Variants in DOT1L observed in about 807,000 individuals in gnomAD.
The protein encoded by DOT1L is histone-lysine N-methyltransferase, H3 lysine-79 specific.
Under a neutral mutation model 153.3 loss-of-function variants are expected in DOT1L, and 33 were observed. That is an observed-to-expected ratio of 0.22 (90% CI 0.16 to 0.29). The LOEUF (loss-of-function observed/expected upper bound fraction) is 0.29. Among genes scored for constraint, DOT1L ranks in the 10% least tolerant of loss-of-function variants. The pLI is 1.00. For missense variants in DOT1L, 1,847 were observed against 2,119.9 expected (o/e 0.87, Z 2.53); for synonymous variants, 1,135 against 965.1 (o/e 1.18, Z -3.26).
chr19:2,195,148 T>G (rs1599567411), intron 7 of DOT1L, among the ~76,000 whole-genome samples: 4 of 148,412 alleles, frequency 2.7e-5, no homozygotes, highest in Admixed American at 6.7e-5. Flanking sequence ...GGTGTGGGGG[T>G]GGGAAGGGGA....
At position 2,177,953 on chromosome 19, in the gene DOT1L, C is replaced by T. The variant is rs561348508; in HGVS notation, c.82-2760C>T. Among the ~76,000 whole-genome samples, 54 of 150,572 alleles carry T rather than the reference C, an allele frequency of 3.6e-4. No individual in the cohort carries two copies. In the South Asian group the frequency reaches 0.01, roughly 28 times the overall value. On this transcript the variant is annotated intron_variant, in intron 1 of 27. Transcript: ENST00000398665. The stretch of plus-strand genomic sequence containing the variant: ...TTTTTTTTTTTTTGAGATGGATTCT[C>T]ACTCTGTATCCCAGGCTGGAGTGCA...
intron 22 of DOT1L, among the ~76,000 whole-genome samples, chr19:2,218,621 C>T (rs1047175759): frequency 2.0e-5 from 3 of 152,056 alleles, no homozygotes; most frequent in African/African-American, 7.2e-5. Context: ...TCTTGATCTC[C>T]TGACCTAGTG....
At chr19:2,187,967 G>A (rs1568338013) in intron 3 of DOT1L, among the ~76,000 whole-genome samples, 1 of 151,586 alleles carries the variant, frequency 6.6e-6, no homozygotes, top group African/African-American at 2.4e-5. Flanking sequence ...AAGGGCCAGG[G>A]CTGCTCCTCT....
At chr19:2,164,655 G>A (rs2019840691) in intron 1 of DOT1L, among the ~76,000 whole-genome samples, 1 of 151,138 alleles carries the variant, frequency 6.6e-6, no homozygotes. Context: ...CTTTTTGAGG[G>A]CATCCTTTCC....
chr19:2,193,151 G>T lies in DOT1L; in HGVS notation c.494-538G>T, dbSNP rs901931291. Among the ~76,000 whole-genome samples the T allele has an allele frequency of 7.9e-5, 12 of 152,312 alleles. No homozygotes were observed. Among genetic ancestry groups the T allele is most frequent in the Middle Eastern group, 3.4e-3 (1 of 294 alleles). ...CCTTAGAGCCGGGTGTTGCTGGGTT[G>T]TGTGCTGATGCTGTGAAACCGCAGC... is the stretch of plus-strand genomic sequence containing the variant. On this transcript the variant is annotated intron_variant, in intron 5 of 27. Transcript: ENST00000398665. This position sits in a 1 kb window ranked among gnomAD's most constrained non-coding sequence, Gnocchi z 5.9.
At chr19:2,185,808 C>CA (rs748068877) in intron 2 of DOT1L, 47 bp from the exon 3 acceptor site, 33 of 1,593,464 alleles carry the variant, frequency 2.1e-5, no homozygotes, top group East Asian at 8.9e-5. Flanking sequence ...CAAAACAAAA[C>CA]AAAAAAAACC....
At chr19:2,165,296 C>G (rs1042077582) in intron 1 of DOT1L, among the ~76,000 whole-genome samples, 1 of 149,444 alleles carries the variant, frequency 6.7e-6, no homozygotes, top group Non-Finnish European at 1.5e-5. Context: ...GCGCGCTGGG[C>G]TTGTGTCAGT....
At chr19:2,165,688 A>G (rs1156486997) in intron 1 of DOT1L, among the ~76,000 whole-genome samples, 1 of 152,110 alleles carries the variant, frequency 6.6e-6, no homozygotes, top group Non-Finnish European at 1.5e-5. Context: ...GCATATGACC[A>G]TAAGAGTTCT....
At chr19:2,176,297 A>G (rs2021931052) in intron 1 of DOT1L, among the ~76,000 whole-genome samples, 1 of 152,200 alleles carries the variant, frequency 6.6e-6, no homozygotes, top group African/African-American at 2.4e-5. Context: ...GGACAGGGGC[A>G]GTAACTCGGG....
Position 2,222,988 on chromosome 19 carries a change from T to C in DOT1L, c.3391-293T>C, listed in dbSNP as rs2024184596. On this transcript the variant is annotated intron_variant, in intron 24 of 27. Transcript: ENST00000398665. This position sits in a 1 kb window ranked among gnomAD's most constrained non-coding sequence, Gnocchi z 6.5. ...AGCCTGGGAAGAGGCGGCCGACAGCTGTCTCTGGGGTTCGGAGTGCGATGC... is the reference window on the plus strand; with the variant it reads ...AGCCTGGGAAGAGGCGGCCGACAGCCGTCTCTGGGGTTCGGAGTGCGATGC... The C allele has an allele frequency of 2.2e-6, 1 of 451,146 alleles. No homozygotes were observed. 27.9% of individuals were successfully genotyped at this position (451,146 alleles called of 1,614,324 possible). A position where few individuals can be genotyped will look rare whatever the true frequency, so the allele number is the denominator to read the frequency against.
chr19:2,199,957 C>T lies in DOT1L; in HGVS notation c.707+18C>T, dbSNP rs542745112. 74 of 1,613,288 alleles carry T rather than the reference C, an allele frequency of 4.6e-5. No homozygotes were observed. In the African/African-American group the frequency reaches 6.4e-4, roughly 14 times the overall value. The stretch of plus-strand genomic sequence containing the variant: ...AACACGAGGTATGGCCAGCGTGGGG[C>T]ATGCAGGGCATGTGGGGTGTGCGCT... On this transcript the variant is annotated intron_variant, in intron 8 of 27. Transcript: ENST00000398665.
intron 27 of DOT1L, chr19:2,227,898 C>T (rs1307211201): frequency 1.6e-6 from 2 of 1,243,464 alleles, no homozygotes; most frequent in Non-Finnish European, 2.1e-6. Context: ...GGTTGAGACC[C>T]GGCCGCCCCC....
At position 2,223,324 on chromosome 19, in the gene DOT1L, C is replaced by T; in HGVS notation, c.3434C>T (p.Ser1145Phe). The T allele has an allele frequency of 6.2e-7, 1 of 1,613,728 alleles. No individual in the cohort carries two copies. The highest frequency in any genetic ancestry group is 8.5e-7 in the Non-Finnish European group (1 of 1,179,968). Residue 1145 changes from serine to phenylalanine, a missense_variant, in exon 25 of 28, where the codon TCC (serine) becomes TTC (phenylalanine). By Grantham distance (155) the Ser-to-Phe change is radical. This residue lies in a region of DOT1L where 934 missense variants were observed against 825.3 expected (regional missense o/e 1.13). Transcript: ENST00000398665. ...CCCCTGGAGATTACAGCCATCTCGT[C>T]CCCGGAGACCTCCCTGAAGAGCTCC... ...NQPLEITAIS[S>F]PETSLKSSPV...
intron 25 of DOT1L, among the ~76,000 whole-genome samples, chr19:2,224,462 C>CTTTTTTT (rs553480656): frequency 3.1e-5 from 4 of 130,316 alleles, no homozygotes; most frequent in Non-Finnish European, 1.7e-5. Context: ...GGGTTTTTTG[C>CTTTTTTT]TTTTTTTTTT....
chr19:2,182,230 A>G lies in DOT1L; in HGVS notation c.125+1474A>G, dbSNP rs570085414. 3.6e-3 allele frequency among the ~76,000 whole-genome samples: 533 copies of G among 149,252 alleles called. 1 individual carries two copies. Among genetic ancestry groups the G allele is most frequent in the African/African-American group, 0.013 (514 of 41,044 alleles). On this transcript the variant is annotated intron_variant, in intron 2 of 27. Transcript: ENST00000398665. Reference sequence around the variant, plus strand: ...TGATAAGAGTGAGACTCCATCTCAAAAATAAATAAATAAATAAATAAATAA... The same window carrying G: ...TGATAAGAGTGAGACTCCATCTCAAGAATAAATAAATAAATAAATAAATAA...
At chr19:2,165,233 G>T (rs768718259) in intron 1 of DOT1L, among the ~76,000 whole-genome samples, 9 of 152,144 alleles carry the variant, frequency 5.9e-5, no homozygotes, top group Non-Finnish European at 1.3e-4. Context: ...GAGTTTTGGG[G>T]GGCGCGTCTG....
intron 19 of DOT1L, 135 bp from the exon 20 acceptor site, chr19:2,216,146 G>A (rs902446536): frequency 1.5e-5 from 20 of 1,319,488 alleles, no homozygotes; most frequent in Admixed American, 7.4e-5. Context: ...CTATGTGGTC[G>A]GCAGCTTTGG....
At chr19:2,200,074 A>AAGG (rs1233268788) in intron 8 of DOT1L, 135 bp downstream of exon 8, 2 of 1,177,252 alleles carry the variant, frequency 1.7e-6, no homozygotes, top group East Asian at 5.3e-5. Context: ...TGGGGACAGG[A>AAGG]AGGGCGCCTT....
At position 2,190,872 on chromosome 19, in the gene DOT1L, G is replaced by C; in HGVS notation, c.265-140G>C. 1 of 755,478 alleles carries C rather than the reference G, an allele frequency of 1.3e-6. No homozygotes were observed. The highest frequency in any genetic ancestry group is 2.1e-6 in the Non-Finnish European group (1 of 466,670). 46.8% of individuals were successfully genotyped at this position (755,478 alleles called of 1,614,324 possible). On this transcript the variant is annotated intron_variant, in intron 4 of 27. Transcript: ENST00000398665. This position sits in a 1 kb window ranked among gnomAD's most constrained non-coding sequence, Gnocchi z 4.8. ...GGCTGGGTTGGAAACTGACCTGGGA[G>C]CCCGGCAGCCACCCTGCAGGGGGAC...
Sources: gnomAD v4.1 joint callset for allele counts (sites outside exome capture counted in the v4.1 genomes callset) on GRCh38, gnomAD v4.1.1 for gene constraint, gnomAD v4.1.1 regional missense constraint, Gnocchi (gnomAD v3.1) non-coding constraint, MANE v1.5 for transcripts, NCBI Gene and HGNC (gene_info 2026-07-23, HGNC 2026-07-21) for gene names.